The following NBPF10 variants were observed in gnomAD, a reference collection of about 807,000 sequenced individuals.
The protein encoded by NBPF10 is NBPF family member NBPF10.
In NBPF10, 63 loss-of-function variants were observed where a neutral mutation model predicts 77.9. The ratio of observed to expected loss-of-function variants is 0.81; its 90% CI spans 0.66 to 1.00. The LOEUF (loss-of-function observed/expected upper bound fraction) is 1.00. NBPF10 is among the 50% of genes least tolerant of loss of function. The pLI, the probability that NBPF10 is intolerant of heterozygous loss-of-function variation, is 0.00. For synonymous variants in NBPF10, 146 were observed against 264.5 expected, an observed-to-expected ratio of 0.55 and a Z score of 4.35; for missense variants, 522 against 679.8, an observed-to-expected ratio of 0.77 and a Z score of 2.58.
At chr1:146,123,799 A>C in intron 17 of NBPF10, 128 bp downstream of exon 17, 1 of 302,366 alleles carries the variant, frequency 3.3e-6, no homozygotes, top group Non-Finnish European at 5.6e-6. Flanking sequence ...ACCAACAGCA[A>C]TGTTAGTAGG....
chr1:146,125,936 C>T (rs1441967326), intron 14 of NBPF10, among the ~76,000 whole-genome samples: 1 of 151,578 alleles, frequency 6.6e-6, no homozygotes, highest in South Asian at 2.1e-4. Flanking sequence ...ACAAGATCTA[C>T]AAAATTTAGA....
chr1:146,136,994 G>A (rs1179766038), intron 6 of NBPF10, among the ~76,000 whole-genome samples: 496 of 142,772 alleles, frequency 3.5e-3, no homozygotes, highest in African/African-American at 0.011. Flanking sequence ...AACACCATAA[G>A]GCCATGAAGG....
intron 14 of NBPF10, 37 bp from the exon 15 acceptor site, chr1:146,125,553 T>C: frequency 1.5e-6 from 1 of 670,986 alleles, no homozygotes; most frequent in South Asian, 1.5e-5. Context: ...CATATTAAGC[T>C]CGTTCTCCTA....
chr1:146,139,375 C>T (rs587615069), intron 5 of NBPF10, among the ~76,000 whole-genome samples: 2 of 152,000 alleles, frequency 1.3e-5, no homozygotes, highest in South Asian at 2.1e-4. Flanking sequence ...TCCCAAAGTG[C>T]TCGGATTACA....
intron 3 of NBPF10, among the ~76,000 whole-genome samples, chr1:146,141,338 T>C (rs1409766701): frequency 8.0e-6 from 1 of 124,554 alleles, no homozygotes; most frequent in Non-Finnish European, 1.9e-5. Flanking sequence ...ACAGCCTCCT[T>C]CCTGTCCTTT....
At position 146,127,038 on chromosome 1, in the gene NBPF10, T is replaced by TC; in HGVS notation, c.1842_1843insG (p.Thr615AspfsTer12). 2.0e-6 allele frequency: 1 copy of TC among 507,038 alleles called. No individual in the cohort carries two copies. Among genetic ancestry groups the TC allele is most frequent in the Non-Finnish European group, 3.4e-6 (1 of 290,738 alleles). 31.4% of individuals were successfully genotyped at this position (507,038 alleles called of 1,614,324 possible). A position where few individuals can be genotyped will look rare whatever the true frequency, so the allele number is the denominator to read the frequency against. Reference sequence around the variant, plus strand: ...ATTTCTCAGACTCACCTGGGACCTGTTGCCTCTTGGTCCTCCTTTTTCACT... The same window carrying TC: ...ATTTCTCAGACTCACCTGGGACCTGTCTGCCTCTTGGTCCTCCTTTTTCACT... On this transcript the variant is annotated frameshift_variant, in exon 13 of 90. Coordinates refer to ENST00000583866, the Ensembl canonical transcript of NBPF10. LOFTEE classifies it high-confidence loss of function.
At chr1:146,139,265 A>ATTTTT (rs10533520) in intron 5 of NBPF10, among the ~76,000 whole-genome samples, 3 of 139,902 alleles carry the variant, frequency 2.1e-5, no homozygotes, top group African/African-American at 7.8e-5. Context: ...ACGCCCAGCT[A>ATTTTT]TTTTTTTTTT....
chr1:146,067,007 G>C (rs1481560098), intron 89 of NBPF10, among the ~76,000 whole-genome samples, 173 bp downstream of exon 89: 27 of 143,374 alleles, frequency 1.9e-4, no homozygotes, highest in African/African-American at 6.0e-4. Flanking sequence ...AAATGATAAG[G>C]GGAGGAAGAA....
At chr1:146,136,209 T>C (rs1157475013) in intron 7 of NBPF10, 144 bp downstream of exon 7, 15 of 795,716 alleles carry the variant, frequency 1.9e-5, no homozygotes, top group Admixed American at 1.6e-4. Context: ...TCTTCTCTGA[T>C]AAATATTTGT....
intron 71 of NBPF10, 44 bp from the exon 72 acceptor site, chr1:146,080,821 G>C (rs782379122): frequency 0.35 from 2,330 of 6,600 alleles, 52 homozygotes; most frequent in East Asian, 0.48. Flanking sequence ...GGGGAAATCA[G>C]ACACAACAGA....
intron 89 of NBPF10, 62 bp downstream of exon 89, chr1:146,067,118 C>A (rs1237354373): frequency 3.2e-6 from 2 of 626,326 alleles, no homozygotes; most frequent in South Asian, 1.6e-5. Flanking sequence ...CTCTGGTTTC[C>A]CTGAATCTGT....
chr1:146,126,576 A>G (rs1393745813), intron 13 of NBPF10, among the ~76,000 whole-genome samples, 168 bp from the exon 14 acceptor site: 2 of 144,220 alleles, frequency 1.4e-5, no homozygotes, highest in Non-Finnish European at 3.0e-5. Context: ...AGGGCCAGGT[A>G]GAAAAGGATG....
At chr1:146,066,908 A>G (rs1655134009) in intron 89 of NBPF10, among the ~76,000 whole-genome samples, 2 of 147,222 alleles carry the variant, frequency 1.4e-5, no homozygotes, top group Admixed American at 1.4e-4. Flanking sequence ...GAGTGAGCTC[A>G]ATAGTTTTCC....
intron 35 of NBPF10, among the ~76,000 whole-genome samples, chr1:146,109,359 G>C (rs1476595501): frequency 3.0e-5 from 2 of 66,884 alleles, no homozygotes; most frequent in Non-Finnish European, 6.5e-5. Context: ...GAGAGAGAGA[G>C]AGAACGAGCT....
chr1:146,090,782 GA>G, intron 59 of NBPF10, 98 bp downstream of exon 59: 1 of 74,998 alleles, frequency 1.3e-5, no homozygotes. Flanking sequence ...AGGCTTGGTT[GA>G]AAAGATGTAA....
chr1:146,126,350 T>C, exon 14 of NBPF10: 1 of 1,361,662 alleles, frequency 7.3e-7, no homozygotes, highest in South Asian at 1.2e-5. Context: ...GAATAACATC[T>C]ATCCTGTGAG....
intron 89 of NBPF10, among the ~76,000 whole-genome samples, chr1:146,066,879 C>G (rs868986419): frequency 1.3e-5 from 2 of 148,710 alleles, no homozygotes; most frequent in African/African-American, 5.0e-5. Context: ...TGACACACAG[C>G]AAACAGTGAT....
At chr1:146,139,374 G>C (rs1224880203) in intron 5 of NBPF10, among the ~76,000 whole-genome samples, 1 of 151,878 alleles carries the variant, frequency 6.6e-6, no homozygotes, top group South Asian at 2.1e-4. Flanking sequence ...CTCCCAAAGT[G>C]CTCGGATTAC....
At chr1:146,129,891 G>A (rs1358260230) in intron 11 of NBPF10, among the ~76,000 whole-genome samples, 1 of 96,778 alleles carries the variant, frequency 1.0e-5, no homozygotes, top group South Asian at 2.8e-4. Flanking sequence ...TTTTTTGTGT[G>A]TATGTATATA....
Sources: gnomAD v4.1 joint callset for allele counts (sites outside exome capture counted in the v4.1 genomes callset) on GRCh38, gnomAD v4.1.1 for gene constraint, MANE v1.5 for transcripts, NCBI Gene and HGNC (gene_info 2026-07-23, HGNC 2026-07-21) for gene names.